TTLL4: variants seen among roughly 807,000 people sequenced by gnomAD.
The protein encoded by TTLL4 is tubulin tyrosine ligase like 4.
In TTLL4, 85 loss-of-function variants were observed where a neutral mutation model predicts 122.7. That is an observed-to-expected ratio of 0.69 (90% CI 0.58 to 0.83). TTLL4 has a LOEUF of 0.83. TTLL4 is among the 40% of genes least tolerant of loss of function. The probability of loss-of-function intolerance (pLI) is 0.00; values close to 1 mark genes in which losing one functional copy is unlikely to be tolerated. For missense variants in TTLL4, 1,363 were observed against 1,488.6 expected, an observed-to-expected ratio of 0.92 and a Z score of 1.39; for synonymous variants, 553 against 563.0, an observed-to-expected ratio of 0.98 and a Z score of 0.25.
intron 1 of TTLL4, among the ~76,000 whole-genome samples, chr2:218,721,602 T>G (rs952977612): frequency 2.0e-5 from 3 of 152,184 alleles, no homozygotes; most frequent in African/African-American, 7.2e-5. Context: ...AGGTGAAATA[T>G]TCTGTACTGT....
chr2:218,734,776 G>A (rs1218344805), intron 2 of TTLL4, among the ~76,000 whole-genome samples: 1 of 152,176 alleles, frequency 6.6e-6, no homozygotes, highest in Non-Finnish European at 1.5e-5. Context: ...ATTAAGTGAC[G>A]GGATTATGAA....
In TTLL4 at chr2:218,747,690, C is replaced by T. The variant is rs1173073924; in HGVS notation, c.2343C>T (p.Leu781=). 6.2e-7 allele frequency: 1 copy of T among 1,614,238 alleles called. No individual in the cohort carries two copies. The change falls in exon 11 of 20, where the codon CTC becomes CTT. Residue 781 remains leucine (L), a synonymous_variant. Coordinates refer to ENST00000392102, the MANE Select transcript of TTLL4 (RefSeq NM_014640.5). The surrounding 1 kb of genome is among the most constrained non-coding windows in gnomAD (Gnocchi z 4.7). ...VTSYDPLRIY[L]FSDGLVRFAS... is the part of the protein sequence containing the mutation. ...CCTACGATCCTCTGCGGATTTACCT[C>T]TTTTCAGATGGACTGGTCCGCTTTG... is the stretch of plus-strand genomic sequence containing the variant.
At chr2:218,741,701 A>G (rs1427266806) in intron 5 of TTLL4, among the ~76,000 whole-genome samples, 1 of 152,164 alleles carries the variant, frequency 6.6e-6, no homozygotes, top group Non-Finnish European at 1.5e-5. Flanking sequence ...CAGGTTATAT[A>G]TATTGGATAT....
chr2:218,737,726 A>C lies in TTLL4; in HGVS notation c.50A>C (p.Asn17Thr). 1 of 1,613,670 alleles carries C rather than the reference A, an allele frequency of 6.2e-7. No individual in the cohort carries two copies. The highest frequency in any genetic ancestry group is 2.2e-5 in the East Asian group (1 of 44,868). Residue 17 changes from asparagine (N) to threonine (T), a missense_variant, in exon 3 of 20, where the codon AAC becomes ACC. This residue lies in a region of TTLL4 where 760 missense variants were observed against 808.4 expected (regional missense o/e 0.94). Transcript: ENST00000392102. ...TATAGTATTGGCCTCCGCCAGAAAA[A>C]CAGCTTCAAGCAGAGTGGTCCCTCA... ...QHYSIGLRQK[N>T]SFKQSGPSGT...
At chr2:218,749,951 T>TGACC in intron 14 of TTLL4, 58 bp from the exon 15 acceptor site, 1 of 1,592,026 alleles carries the variant, frequency 6.3e-7, no homozygotes, top group South Asian at 1.2e-5. Flanking sequence ...GTTGCACATA[T>TGACC]GACCAGAGAC....
At position 218,747,332 on chromosome 2, in the gene TTLL4, T is replaced by A. The variant is rs1942871868; in HGVS notation, c.2209T>A (p.Trp737Arg). ...CATTGGCATCCAGGTTATTCACAAG[T>A]GGAGTCAGCTCCCCAAGCGAAGGCC... ...RGIGIQVIHK[W>R]SQLPKRRPLL... The change falls in exon 10 of 20, where the codon TGG (tryptophan) becomes AGG (arginine). Residue 737 changes from tryptophan (W) to arginine (R), a missense_variant. Trp to Arg is a moderately radical substitution (Grantham distance 101). Transcript: ENST00000392102. This position sits in a 1 kb window ranked among gnomAD's most constrained non-coding sequence, Gnocchi z 4.7. The A allele has an allele frequency of 6.2e-7, 1 of 1,614,060 alleles. No individual in the cohort carries two copies. The highest frequency in any genetic ancestry group is 1.7e-5 in the Admixed American group (1 of 60,000).
chr2:218,759,389 A>T (rs900443376), downstream of TTLL4, among the ~76,000 whole-genome samples: 27 of 152,378 alleles, frequency 1.8e-4, no homozygotes, highest in African/African-American at 6.5e-4. Flanking sequence ...TGTTTCTACA[A>T]AACAAATAAA....
chr2:218,720,773 A>G (rs1942012666), intron 1 of TTLL4, among the ~76,000 whole-genome samples: 1 of 151,838 alleles, frequency 6.6e-6, no homozygotes, highest in Non-Finnish European at 1.5e-5. Context: ...GTGTCTTTTT[A>G]TATGCTAATG....
rs1272848578 is a variant in TTLL4 at position 218,738,338 on chromosome 2, C to A, written c.662C>A (p.Ser221Tyr). Reference protein sequence around the residue: ...SSYKPMLNNNSFMWPNSTPVP... With the variant: ...SSYKPMLNNNYFMWPNSTPVP... ...TATAAGCCCATGCTGAATAATAATT[C>A]CTTCATGTGGCCAAATAGCACGCCA... The change falls in exon 3 of 20, where the codon TCC (serine) becomes TAC (tyrosine). Residue 221 changes from serine to tyrosine, a missense_variant. Transcript: ENST00000392102. The A allele has an allele frequency of 1.2e-6, 2 of 1,614,138 alleles. No homozygotes were observed. The highest frequency in any genetic ancestry group is 1.7e-6 in the Non-Finnish European group (2 of 1,180,038).
At chr2:218,757,424 C>T (rs1156708098), downstream of TTLL4, among the ~76,000 whole-genome samples, 3 of 152,170 alleles carry the variant, frequency 2.0e-5, no homozygotes, top group African/African-American at 7.2e-5. Context: ...AGAAAGGAAG[C>T]ACATTAAGCA....
At chr2:218,759,335 A>T (rs1347691608), downstream of TTLL4, among the ~76,000 whole-genome samples, 1 of 152,216 alleles carries the variant, frequency 6.6e-6, no homozygotes. Flanking sequence ...GGATCACTTG[A>T]GCCCAGGAGT....
intron 1 of TTLL4, among the ~76,000 whole-genome samples, chr2:218,717,399 C>A (rs751818970): frequency 1.3e-5 from 2 of 152,170 alleles, no homozygotes; most frequent in African/African-American, 2.4e-5. Flanking sequence ...AAAGAGCCTC[C>A]TTCCCGAAGC....
At chr2:218,731,968 C>A (rs1942393492) in intron 2 of TTLL4, among the ~76,000 whole-genome samples, 1 of 152,156 alleles carries the variant, frequency 6.6e-6, no homozygotes, top group Non-Finnish European at 1.5e-5. Flanking sequence ...CCCTAGGGAT[C>A]CTGTGTAGGA....
rs1942879176 is a variant in TTLL4 at position 218,747,522 on chromosome 2, GCTTTTC to G, written c.2250-72_2250-67del. 6.3e-7 allele frequency: 1 copy of G among 1,589,898 alleles called. No individual in the cohort carries two copies. The highest frequency in any genetic ancestry group is 8.6e-7 in the Non-Finnish European group (1 of 1,167,240). On this transcript the variant is annotated intron_variant, in intron 10 of 19. Transcript: ENST00000392102. The surrounding 1 kb of genome is among the most constrained non-coding windows in gnomAD (Gnocchi z 4.7). ...TCTTTATCTTGGGGACTGTTAGCTGGCTTTTCCTGTGGCTTGGTTACCCACTGAGCC... is the reference window on the plus strand; with the variant it reads ...TCTTTATCTTGGGGACTGTTAGCTGGCTGTGGCTTGGTTACCCACTGAGCC...
intron 4 of TTLL4, 150 bp downstream of exon 4, chr2:218,740,317 G>T (rs761543187): frequency 2.0e-5 from 18 of 890,238 alleles, no homozygotes; most frequent in Middle Eastern, 3.3e-4. Flanking sequence ...CCTTCTAGAG[G>T]ACTTGGGTCT....
chr2:218,752,344 A>G (rs1276327904), intron 16 of TTLL4, among the ~76,000 whole-genome samples: 1 of 152,186 alleles, frequency 6.6e-6, no homozygotes. Context: ...CCTCTTGTCC[A>G]AACTATAGAC....
At chr2:218,751,893 TTTTTTCTTTTCTTTTTC>T (rs1943026710) in intron 16 of TTLL4, 87 bp downstream of exon 16, 38 of 867,216 alleles carry the variant, frequency 4.4e-5, no homozygotes, top group Middle Eastern at 2.4e-4. Context: ...TTTTCTTTTT[TTTTTTCTTTTCTTTTTC>T]TTTTTTTTTT....
intron 2 of TTLL4, among the ~76,000 whole-genome samples, chr2:218,730,237 G>T (rs1356727263): frequency 6.9e-6 from 1 of 145,160 alleles, no homozygotes; most frequent in African/African-American, 2.6e-5. Context: ...GGAGGCCGAG[G>T]TGGGCAGATC....
At chr2:218,743,722 C>G (rs1351901347) in intron 5 of TTLL4, among the ~76,000 whole-genome samples, 1 of 152,078 alleles carries the variant, frequency 6.6e-6, no homozygotes, top group Non-Finnish European at 1.5e-5. Flanking sequence ...TCTTGTTACC[C>G]AGGCCGGAGT....
Sources: allele counts gnomAD v4.1 joint callset (sites outside exome capture counted in the v4.1 genomes callset), GRCh38; gene constraint gnomAD v4.1.1; regional missense constraint gnomAD v4.1.1; non-coding constraint Gnocchi (gnomAD v3.1); transcripts MANE v1.5; gene names NCBI Gene and HGNC (gene_info 2026-07-23, HGNC 2026-07-21).